Variants in ULK4 observed in about 807,000 individuals in gnomAD.
ULK4 encodes inactive serine/threonine-protein kinase ULK4.
In ULK4, 133 loss-of-function variants were observed where a neutral mutation model predicts 160.6. The ratio of observed to expected loss-of-function variants is 0.83; its 90% CI spans 0.72 to 0.96. The LOEUF (loss-of-function observed/expected upper bound fraction) is 0.96. Ranked by LOEUF, ULK4 falls within the 40% of genes least tolerant of loss-of-function variation. The pLI is 0.00. For missense variants in ULK4, 1,580 were observed against 1,499.5 expected (o/e 1.05, Z -0.89); for synonymous variants, 534 against 539.8 (o/e 0.99, Z 0.15).
At chr3:41,440,363 T>C (rs1175426033) in intron 34 of ULK4, among the ~76,000 whole-genome samples, 1 of 152,118 alleles carries the variant, frequency 6.6e-6, no homozygotes, top group African/African-American at 2.4e-5. Context: ...CCAGGTTTCA[T>C]CAGAAATAAA....
At chr3:41,936,877 T>TA (rs1182941771) in intron 3 of ULK4, among the ~76,000 whole-genome samples, 2 of 152,124 alleles carry the variant, frequency 1.3e-5, no homozygotes. Flanking sequence ...CTAAAGTCAA[T>TA]AATAACTGTA....
At chr3:41,803,946 A>C (rs1282940481) in intron 19 of ULK4, among the ~76,000 whole-genome samples, 2 of 152,162 alleles carry the variant, frequency 1.3e-5, no homozygotes, top group African/African-American at 4.8e-5. Context: ...CAATAAACAT[A>C]TGTGTGCATG....
At chr3:41,895,784 T>TC (rs1698131449) in intron 15 of ULK4, among the ~76,000 whole-genome samples, 1 of 152,190 alleles carries the variant, frequency 6.6e-6, no homozygotes, top group Non-Finnish European at 1.5e-5. Flanking sequence ...TACCACTTTA[T>TC]ATTCGCTAAA....
intron 32 of ULK4, 22 bp downstream of exon 32, chr3:41,566,003 A>C (rs1266515879): frequency 6.3e-7 from 1 of 1,590,496 alleles, no homozygotes; most frequent in East Asian, 2.2e-5. Flanking sequence ...TTGATCAGAG[A>C]GTAATTCTAT....
intron 22 of ULK4, among the ~76,000 whole-genome samples, chr3:41,753,149 A>G (rs1325985317): frequency 1.3e-5 from 2 of 152,148 alleles, no homozygotes; most frequent in African/African-American, 2.4e-5. Flanking sequence ...TGGTGTGGGG[A>G]TCGAGGCTCC....
chr3:41,868,008 G>A (rs1179944171), intron 17 of ULK4, among the ~76,000 whole-genome samples: 1 of 152,064 alleles, frequency 6.6e-6, no homozygotes, highest in East Asian at 1.9e-4. Context: ...TCAATACTTT[G>A]TTATAAAGAG....
chr3:41,765,800 C>T (rs1286985436), intron 21 of ULK4, among the ~76,000 whole-genome samples: 2 of 152,052 alleles, frequency 1.3e-5, no homozygotes, highest in Admixed American at 6.5e-5. Flanking sequence ...TACAAAGAAT[C>T]ACTATCTTTA....
At chr3:41,852,073 GAAAT>G (rs1473248732) in intron 17 of ULK4, among the ~76,000 whole-genome samples, 1 of 152,122 alleles carries the variant, frequency 6.6e-6, no homozygotes, top group Non-Finnish European at 1.5e-5. Flanking sequence ...CGATCCCACA[GAAAT>G]AAAAACTACC....
At chr3:41,369,384 C>T (rs139580182) in intron 35 of ULK4, among the ~76,000 whole-genome samples, 5,510 of 152,002 alleles carry the variant, frequency 0.036, 267 homozygotes, top group East Asian at 0.19. Context: ...GTACCAGCTA[C>T]TCAGGAGGCT....
rs570850543 is a variant in ULK4, at chr3:41,695,064, C to T, written c.2781+9993G>A. On this transcript the variant is annotated intron_variant, in intron 27 of 36. Coordinates refer to ENST00000301831, the MANE Select transcript of ULK4 (RefSeq NM_017886.4). ...TTCAATGTCTTGTGAGGGCTGCTTC[C>T]AAGATGGCATCCTTTAGCTGTGTCC... Among the ~76,000 whole-genome samples the T allele has an allele frequency of 3.9e-5, 6 of 152,274 alleles. No homozygotes were observed. The East Asian group carries it at 1.2e-3, about 29-fold the overall frequency.
At chr3:41,848,681 A>G (rs921325698) in intron 17 of ULK4, among the ~76,000 whole-genome samples, 1 of 152,200 alleles carries the variant, frequency 6.6e-6, no homozygotes, top group Non-Finnish European at 1.5e-5. Flanking sequence ...TCCTTCTAGC[A>G]GTATCCCCAA....
intron 35 of ULK4, among the ~76,000 whole-genome samples, chr3:41,369,172 A>G (rs1455934738): frequency 6.6e-6 from 1 of 152,202 alleles, no homozygotes; most frequent in Non-Finnish European, 1.5e-5. Flanking sequence ...ATTTACAACT[A>G]TTATTTCAGA....
chr3:41,797,532 C>T (rs911566284), intron 20 of ULK4, among the ~76,000 whole-genome samples: 3 of 152,118 alleles, frequency 2.0e-5, no homozygotes, highest in Non-Finnish European at 4.4e-5. Context: ...AACTGAAGAA[C>T]TGTGTCAGAC....
intron 35 of ULK4, among the ~76,000 whole-genome samples, chr3:41,323,649 T>C (rs768255456): frequency 2.2e-4 from 34 of 151,952 alleles, no homozygotes; most frequent in Admixed American, 6.6e-4. Context: ...CCCATGCACA[T>C]AGCTTTGCCT....
intron 16 of ULK4, among the ~76,000 whole-genome samples, chr3:41,885,797 G>C (rs776880976): frequency 6.6e-6 from 1 of 151,812 alleles, no homozygotes; most frequent in Admixed American, 6.6e-5. Flanking sequence ...TCCCAGCTGA[G>C]CCTCCCAAGT....
At chr3:41,482,696 C>T (rs1160575155) in intron 32 of ULK4, among the ~76,000 whole-genome samples, 1 of 152,180 alleles carries the variant, frequency 6.6e-6, no homozygotes, top group Non-Finnish European at 1.5e-5. Context: ...CATACATTTT[C>T]ACTCCCTTTT....
intron 32 of ULK4, among the ~76,000 whole-genome samples, chr3:41,518,730 G>T (rs941185826): frequency 6.6e-6 from 1 of 152,154 alleles, no homozygotes; most frequent in Non-Finnish European, 1.5e-5. Flanking sequence ...ATCAGTTAAG[G>T]GAAAAAAGAG....
chr3:41,842,367 G>A (rs2041955126), intron 17 of ULK4, among the ~76,000 whole-genome samples: 1 of 152,090 alleles, frequency 6.6e-6, no homozygotes, highest in Non-Finnish European at 1.5e-5. Flanking sequence ...GACTTATACA[G>A]CTACAGTAAT....
chr3:41,587,299 C>A (rs1309613527), intron 31 of ULK4, among the ~76,000 whole-genome samples: 1 of 152,148 alleles, frequency 6.6e-6, no homozygotes, highest in East Asian at 1.9e-4. Context: ...TCCTATTCTG[C>A]AACCAACTGA....
Sources: allele counts gnomAD v4.1 joint callset (sites outside exome capture counted in the v4.1 genomes callset), GRCh38; gene constraint gnomAD v4.1.1; transcripts MANE v1.5; gene names NCBI Gene and HGNC (gene_info 2026-07-23, HGNC 2026-07-21).